The following DTL variants were observed in gnomAD, a reference collection of about 807,000 sequenced individuals.
The protein encoded by DTL is denticleless protein homolog.
In DTL, 46 loss-of-function variants were observed where a neutral mutation model predicts 87.0. The ratio of observed to expected loss-of-function variants is 0.53; its 90% confidence interval spans 0.42 to 0.68. DTL has a LOEUF of 0.68. Among genes scored for constraint, DTL ranks in the 30% least tolerant of loss-of-function variants. The pLI is 0.00. For missense variants in DTL, 737 were observed against 869.4 expected, an observed-to-expected ratio of 0.85 and a Z score of 1.91; for synonymous variants, 308 against 311.2, an observed-to-expected ratio of 0.99 and a Z score of 0.11.
chr1:212,041,746 G>C (rs1443170768), intron 1 of DTL, among the ~76,000 whole-genome samples: 1 of 152,022 alleles, frequency 6.6e-6, no homozygotes, highest in Non-Finnish European at 1.5e-5. Context: ...TCCTGACCTC[G>C]TGGTCCGCCT....
rs765249434 is a variant in DTL at position 212,080,756 on chromosome 1, G to A, written c.1261+6G>A. 14 of 1,613,004 alleles carry A rather than the reference G, an allele frequency of 8.7e-6. No homozygotes were observed. The highest frequency in any genetic ancestry group is 1.1e-5 in the Non-Finnish European group (13 of 1,179,320). On this transcript the variant is annotated splice_donor_region_variant and intron_variant, in intron 13 of 14. Transcript: ENST00000366991. ...AGAGTCAAGACCTGGCCTAGGTAAG[G>A]ATATCATATACTTTCCAAGTTTTTT...
At chr1:212,063,506 G>C (rs908257364) in intron 6 of DTL, among the ~76,000 whole-genome samples, 6 of 151,708 alleles carry the variant, frequency 4.0e-5, no homozygotes. Context: ...GGCCAGGCTG[G>C]TCTCAAACTC....
chr1:212,040,525 C>G (rs779952874), intron 1 of DTL, among the ~76,000 whole-genome samples: 31 of 152,182 alleles, frequency 2.0e-4, no homozygotes, highest in Non-Finnish European at 3.8e-4. Context: ...TGAAGGTGGC[C>G]TCTCGGAATA....
intron 8 of DTL, among the ~76,000 whole-genome samples, chr1:212,067,421 T>C (rs1654538128): frequency 6.6e-6 from 1 of 152,216 alleles, no homozygotes; most frequent in African/African-American, 2.4e-5. Context: ...TGCTCTGTGA[T>C]GCTTGTTGAT....
At position 212,066,890 on chromosome 1, in the gene DTL, G is replaced by T; in HGVS notation, c.713+5G>T. 2.5e-6 allele frequency: 4 copies of T among 1,611,776 alleles called. No homozygotes were observed. Among genetic ancestry groups the T allele is most frequent in the Non-Finnish European group, 3.4e-6 (4 of 1,178,034 alleles). On this transcript the variant is annotated splice_donor_5th_base_variant and intron_variant, in intron 8 of 14. Coordinates refer to ENST00000366991, the MANE Select transcript of DTL (RefSeq NM_016448.4). ...CTCAGCAGGAGCTGTGGATGGGTAA[G>T]AGTCTATTTCTTTTTTCTTCCGACG...
chr1:212,071,723 A>C (rs1366551582), intron 10 of DTL, among the ~76,000 whole-genome samples: 1 of 152,162 alleles, frequency 6.6e-6, no homozygotes, highest in Non-Finnish European at 1.5e-5. Context: ...AAATTAGATG[A>C]ATATATTATG....
At chr1:212,037,418 A>G (rs966051877) in intron 1 of DTL, among the ~76,000 whole-genome samples, 2 of 152,182 alleles carry the variant, frequency 1.3e-5, no homozygotes, top group African/African-American at 2.4e-5. Context: ...CACAGCCACA[A>G]CCAGGGCTTC....
chr1:212,064,871 G>A (rs139190048), intron 6 of DTL, 46 bp from the exon 7 acceptor site: 18,332 of 1,426,958 alleles, frequency 0.013, 143 homozygotes, highest in Non-Finnish European at 0.016. Flanking sequence ...GTTATATTCA[G>A]CATGTAAGAA....
chr1:212,101,450 T>C (rs1049450595), intron 14 of DTL, among the ~76,000 whole-genome samples: 4 of 152,132 alleles, frequency 2.6e-5, no homozygotes, highest in Admixed American at 2.0e-4. Context: ...CAAAAATATC[T>C]CCCCTCTCCT....
chr1:212,037,760 G>GC (rs1667531454), intron 1 of DTL, among the ~76,000 whole-genome samples: 1 of 152,190 alleles, frequency 6.6e-6, no homozygotes, highest in Non-Finnish European at 1.5e-5. Context: ...GGTCATAGTG[G>GC]TGGTGGGCTA....
Position 212,082,935 on chromosome 1 carries a change from G to A in DTL, c.1261+2185G>A, listed in dbSNP as rs571767918. Among the ~76,000 whole-genome samples, 42 of 152,258 alleles carry A rather than the reference G, an allele frequency of 2.8e-4. 1 individual carries two copies. In the South Asian group the frequency reaches 5.0e-3, roughly 18 times the overall value. ...CTATGCAAGTACAAGTATACTATAGGTAGAGAGCTAGATTTAACCAGGGAT... is the reference window on the plus strand; with the variant it reads ...CTATGCAAGTACAAGTATACTATAGATAGAGAGCTAGATTTAACCAGGGAT... On this transcript the variant is annotated intron_variant, in intron 13 of 14. Coordinates refer to ENST00000366991, the MANE Select transcript of DTL (RefSeq NM_016448.4).
At chr1:212,095,208 A>G (rs1655409717) in intron 13 of DTL, among the ~76,000 whole-genome samples, 1 of 152,164 alleles carries the variant, frequency 6.6e-6, no homozygotes, top group African/African-American at 2.4e-5. Context: ...TTCCCCGTTC[A>G]GTATAACGTT....
chr1:212,067,031 C>A (rs1571959823), intron 8 of DTL, 146 bp downstream of exon 8: 3 of 661,656 alleles, frequency 4.5e-6, no homozygotes, highest in South Asian at 3.9e-5. Context: ...AGCTATAGAT[C>A]ACATTGGAAA....
At chr1:212,076,803 T>C (rs1343488821) in intron 11 of DTL, among the ~76,000 whole-genome samples, 2 of 152,168 alleles carry the variant, frequency 1.3e-5, no homozygotes, top group African/African-American at 2.4e-5. Flanking sequence ...ATATGTTACA[T>C]TGTGAAAGAA....
Position 212,044,912 on chromosome 1 carries a change from G to A in DTL, c.277+154G>A, listed in dbSNP as rs538333740. Among the ~76,000 whole-genome samples, 147 of 152,170 alleles carry A rather than the reference G, an allele frequency of 9.7e-4. 9 individuals are homozygous for A. The highest frequency in any genetic ancestry group is 5.0e-4 in the Non-Finnish European group (34 of 68,024). ...TAGTTTATATAGAAAAAGTTTACTT[G>A]GTGTGTGATTCTGCTGGCTAGAATA... On this transcript the variant is annotated intron_variant, in intron 3 of 14. Coordinates refer to ENST00000366991, the MANE Select transcript of DTL (RefSeq NM_016448.4).
intron 2 of DTL, 131 bp downstream of exon 2, chr1:212,043,249 T>C (rs2102526478): frequency 1.2e-6 from 1 of 828,560 alleles, no homozygotes; most frequent in South Asian, 2.1e-5. Flanking sequence ...TTGTAAAAAC[T>C]GTTATCTTCT....
At chr1:212,078,918 C>G (rs1654912007) in intron 12 of DTL, among the ~76,000 whole-genome samples, 1 of 152,162 alleles carries the variant, frequency 6.6e-6, no homozygotes, top group African/African-American at 2.4e-5. Flanking sequence ...TCCCAAACCC[C>G]ATTGCCTCTG....
At chr1:212,087,782 T>C (rs896993709) in intron 13 of DTL, among the ~76,000 whole-genome samples, 1 of 152,302 alleles carries the variant, frequency 6.6e-6, no homozygotes, top group Admixed American at 6.5e-5. Flanking sequence ...TTGAAAATCA[T>C]GTTCCCCTGC....
chr1:212,070,710 A>C (rs1278082602), intron 10 of DTL, among the ~76,000 whole-genome samples: 1 of 152,050 alleles, frequency 6.6e-6, no homozygotes, highest in Non-Finnish European at 1.5e-5. Context: ...TGGATTCGAT[A>C]CTTGATCTAC....
Sources: gnomAD v4.1 joint callset for allele counts (sites outside exome capture counted in the v4.1 genomes callset) on GRCh38, gnomAD v4.1.1 for gene constraint, MANE v1.5 for transcripts, NCBI Gene and HGNC (gene_info 2026-07-23, HGNC 2026-07-21) for gene names.